The following ADCK1 variants were observed in gnomAD, a reference collection of about 807,000 sequenced individuals.
ADCK1 encodes the protein aarF domain-containing protein kinase 1.
ADCK1 carries 41 observed loss-of-function variants against 52.3 expected under a neutral mutation model. That is an observed-to-expected ratio of 0.78 (90% CI 0.61 to 1.02). The LOEUF (loss-of-function observed/expected upper bound fraction) is 1.02. Among genes scored for constraint, ADCK1 ranks in the 50% least tolerant of loss-of-function variants. The pLI is 0.00. For synonymous variants in ADCK1, 250 were observed against 274.6 expected (o/e 0.91, Z 0.89); for missense variants, 658 against 679.5 (o/e 0.97, Z 0.35).
At chr14:77,813,838 C>T (rs985907359) in intron 1 of ADCK1, among the ~76,000 whole-genome samples, 2 of 151,170 alleles carry the variant, frequency 1.3e-5, no homozygotes, top group African/African-American at 2.4e-5. Context: ...GGTGCAATCT[C>T]GGCTCACTGC....
At chr14:77,916,167 G>C (rs1250465157) in intron 7 of ADCK1, among the ~76,000 whole-genome samples, 1 of 152,150 alleles carries the variant, frequency 6.6e-6, no homozygotes, top group African/African-American at 2.4e-5. Context: ...CAAGGCCAGA[G>C]ATGCCAGATG....
intron 4 of ADCK1, among the ~76,000 whole-genome samples, chr14:77,873,388 AG>A (rs1009491666): frequency 1.3e-5 from 2 of 152,214 alleles, no homozygotes; most frequent in African/African-American, 4.8e-5. Flanking sequence ...GCCCTGTTCA[AG>A]GGGAGCTCAT....
At chr14:77,914,590 G>T (rs1489687221) in intron 7 of ADCK1, 102 of 985,256 alleles carry the variant, frequency 1.0e-4, no homozygotes, top group Non-Finnish European at 1.2e-4. Flanking sequence ...TGGGTCCTGG[G>T]TGGGAAGAGC....
intron 3 of ADCK1, among the ~76,000 whole-genome samples, chr14:77,831,062 A>T (rs1469021458): frequency 6.6e-6 from 1 of 152,082 alleles, no homozygotes; most frequent in Non-Finnish European, 1.5e-5. Context: ...GGTCTGGAGG[A>T]GGTGGGCTTG....
At chr14:77,889,732 A>G (rs2083239810) in intron 5 of ADCK1, among the ~76,000 whole-genome samples, 1 of 152,194 alleles carries the variant, frequency 6.6e-6, no homozygotes, top group Admixed American at 6.5e-5. Context: ...GCAACCAAAT[A>G]GGGTAAAATA....
intron 4 of ADCK1, among the ~76,000 whole-genome samples, chr14:77,872,188 C>A (rs2082793883): frequency 1.3e-5 from 2 of 152,132 alleles, no homozygotes. Context: ...GAGAGATTGG[C>A]GTCCCTTTCC....
At chr14:77,839,171 G>T (rs1415492544) in intron 3 of ADCK1, among the ~76,000 whole-genome samples, 1 of 152,202 alleles carries the variant, frequency 6.6e-6, no homozygotes, top group Admixed American at 6.5e-5. Flanking sequence ...TCTGGGAAGG[G>T]CTCTCTCGCA....
At chr14:77,932,911 A>G (rs933539685) in intron 10 of ADCK1, among the ~76,000 whole-genome samples, 1 of 152,162 alleles carries the variant, frequency 6.6e-6, no homozygotes, top group Non-Finnish European at 1.5e-5. Context: ...GTTGGCATAG[A>G]TTTACTATGC....
chr14:77,801,866 G>A lies in ADCK1; in HGVS notation c.-12+1696G>A, dbSNP rs942614764. ...CTGAGGAGGAGAACAGCTTGAACCC[G>A]GGAGACGGAGGCTGCAGTGAGCCGA... is the stretch of plus-strand genomic sequence containing the variant. On this transcript the variant is annotated intron_variant, in intron 1 of 10. Coordinates refer to ENST00000238561, the MANE Select transcript of ADCK1 (RefSeq NM_020421.4). Among the ~76,000 whole-genome samples the A allele has an allele frequency of 4.6e-5, 7 of 152,210 alleles. 1 individual carries two copies. The highest frequency in any genetic ancestry group is 2.6e-4 in the Admixed American group (4 of 15,274).
At chr14:77,807,540 G>A (rs1241608761) in intron 1 of ADCK1, among the ~76,000 whole-genome samples, 2 of 124,728 alleles carry the variant, frequency 1.6e-5, no homozygotes, top group South Asian at 2.5e-4. Context: ...ATGGAGTTTC[G>A]CCCTTGTTGC....
At chr14:77,867,406 C>T (rs1176973429) in intron 4 of ADCK1, among the ~76,000 whole-genome samples, 1 of 152,194 alleles carries the variant, frequency 6.6e-6, no homozygotes, top group African/African-American at 2.4e-5. Context: ...GGGCCTCATC[C>T]TGCCTTCCCA....
intron 1 of ADCK1, among the ~76,000 whole-genome samples, chr14:77,807,409 T>C (rs2081252353): frequency 6.6e-6 from 1 of 151,358 alleles, no homozygotes; most frequent in South Asian, 2.1e-4. Flanking sequence ...TGGTGTGATC[T>C]TGGTTCACTG....
chr14:77,876,653 G>T (rs1386868867), intron 4 of ADCK1, among the ~76,000 whole-genome samples: 2 of 152,150 alleles, frequency 1.3e-5, no homozygotes, highest in East Asian at 3.9e-4. Context: ...ATGAGCATGC[G>T]CCCCAGTAAA....
rs562863524 is a variant in ADCK1 at position 77,855,110 on chromosome 14, G to C, written c.220-3966G>C. ...TTTCCTGCTTTCCCCCTCTGCCTTTGACTCTGGTGCTTCTTTCCCCACGTG... is the reference window on the plus strand; with the variant it reads ...TTTCCTGCTTTCCCCCTCTGCCTTTCACTCTGGTGCTTCTTTCCCCACGTG... On this transcript the variant is annotated intron_variant, in intron 3 of 10. Coordinates refer to ENST00000238561, the MANE Select transcript of ADCK1 (RefSeq NM_020421.4). 2.0e-5 allele frequency among the ~76,000 whole-genome samples: 3 copies of C among 152,338 alleles called. No individual in the cohort carries two copies. In the South Asian group the frequency reaches 6.2e-4, roughly 32 times the overall value.
chr14:77,888,018 A>G (rs2083198989), intron 5 of ADCK1, among the ~76,000 whole-genome samples: 2 of 152,242 alleles, frequency 1.3e-5, no homozygotes, highest in South Asian at 4.2e-4. Context: ...ACCCTATGCT[A>G]GGTGGGTGCT....
chr14:77,861,250 G>C (rs938210691), intron 4 of ADCK1, among the ~76,000 whole-genome samples: 1 of 152,104 alleles, frequency 6.6e-6, no homozygotes, highest in Non-Finnish European at 1.5e-5. Flanking sequence ...GAGCCCTCTG[G>C]GTTCTTACCA....
At chr14:77,903,236 T>G (rs1039633247) in intron 6 of ADCK1, among the ~76,000 whole-genome samples, 8 of 152,216 alleles carry the variant, frequency 5.3e-5, no homozygotes, top group African/African-American at 1.9e-4. Context: ...CTTGAGTAAT[T>G]AATTTTGCCT....
chr14:77,852,881 GTGTA>G lies in ADCK1; in HGVS notation c.220-6193_220-6190del, dbSNP rs1345317297. The stretch of plus-strand genomic sequence containing the variant: ...TTTCAAGTTCACTAATCTTTTATGT[GTGTA>G]TATATATATATATATATATATATTT... On this transcript the variant is annotated intron_variant, in intron 3 of 10. Transcript: ENST00000238561. Among the ~76,000 whole-genome samples the G allele has an allele frequency of 2.2e-3, 64 of 29,588 alleles. 1 individual carries two copies. The highest frequency in any genetic ancestry group is 7.0e-3 in the African/African-American group (44 of 6,272). The allele number at this position is 29,588 out of a possible 152,430, so 19.4% of individuals were successfully genotyped here. A position where few individuals can be genotyped will look rare whatever the true frequency, so the allele number is the denominator to read the frequency against.
At chr14:77,811,049 C>T (rs1291300466) in intron 1 of ADCK1, among the ~76,000 whole-genome samples, 1 of 151,118 alleles carries the variant, frequency 6.6e-6, no homozygotes, top group African/African-American at 2.4e-5. Context: ...AGTCTGTTGC[C>T]CCTTTCAGCA....
Sources: gnomAD v4.1 joint callset for allele counts (sites outside exome capture counted in the v4.1 genomes callset) on GRCh38, gnomAD v4.1.1 for gene constraint, MANE v1.5 for transcripts, NCBI Gene and HGNC (gene_info 2026-07-23, HGNC 2026-07-21) for gene names.